EIF5B: variants seen among roughly 807,000 people sequenced by gnomAD.
EIF5B encodes eIF-5B.
In EIF5B, 47 loss-of-function variants were observed where a neutral mutation model predicts 147.5. The observed-to-expected ratio is 0.32, with a 90% CI of 0.25 to 0.41. The LOEUF (loss-of-function observed/expected upper bound fraction) is 0.41, where lower values mean the gene tolerates loss of function less well. EIF5B is among the 10% of genes least tolerant of loss of function. The pLI, the probability that EIF5B is intolerant of heterozygous loss-of-function variation, is 1.00. For missense variants in EIF5B, 1,064 were observed against 1,413.2 expected (o/e 0.75, Z 3.96); for synonymous variants, 455 against 456.2 (o/e 1.00, Z 0.03).
chr2:99,340,860 C>T (rs2094257865), intron 1 of EIF5B, among the ~76,000 whole-genome samples: 1 of 152,114 alleles, frequency 6.6e-6, no homozygotes, highest in South Asian at 2.1e-4. Flanking sequence ...ACCTCCGCCT[C>T]CTGGGCTCAA....
chr2:99,400,847 G>A lies in EIF5B; in HGVS notation c.*1433G>A, dbSNP rs1156655844. 1 of 155,020 alleles carries A rather than the reference G, an allele frequency of 6.5e-6. No homozygotes were observed. Among genetic ancestry groups the A allele is most frequent in the Non-Finnish European group, 1.4e-5 (1 of 69,780 alleles). The allele number at this position is 155,020 out of a possible 1,614,324, so 9.6% of individuals were successfully genotyped here. On this transcript the variant is annotated 3_prime_UTR_variant, in exon 24 of 24. Transcript: ENST00000289371. ...GACCTCTCAGGAATTTCAGAGCTTA[G>A]CAGTCTGGCCTGGAGGTTTTTCAGC...
At chr2:99,356,274 T>A (rs1354365510) in intron 1 of EIF5B, among the ~76,000 whole-genome samples, 1 of 152,224 alleles carries the variant, frequency 6.6e-6, no homozygotes, top group Non-Finnish European at 1.5e-5. Flanking sequence ...TTCTACATTA[T>A]AATGTTACTC....
At chr2:99,377,626 A>G (rs969970834) in intron 10 of EIF5B, among the ~76,000 whole-genome samples, 2 of 152,070 alleles carry the variant, frequency 1.3e-5, no homozygotes, top group East Asian at 1.9e-4. Flanking sequence ...CTGATTAACA[A>G]ACAAAATAAG....
Position 99,398,852 on chromosome 2 carries a change from T to G in EIF5B, c.3498T>G (p.Gly1166=), listed in dbSNP as rs1675128903. 6 of 1,614,094 alleles carry G rather than the reference T, an allele frequency of 3.7e-6. No individual in the cohort carries two copies. The highest frequency in any genetic ancestry group is 5.1e-6 in the Non-Finnish European group (6 of 1,180,018). ...EVCVKIEPIP[G]ESPKMFGRHF... ...GTGTAAAAATAGAACCTATCCCTGGTGAGTCACCCAAAATGTTTGGAAGAC... is the reference window on the plus strand; with the variant it reads ...GTGTAAAAATAGAACCTATCCCTGGGGAGTCACCCAAAATGTTTGGAAGAC... The change falls in exon 23 of 24, where the codon GGT becomes GGG. Residue 1166 remains glycine, a synonymous_variant. Transcript: ENST00000289371.
intron 6 of EIF5B, among the ~76,000 whole-genome samples, chr2:99,367,836 A>C (rs1185852873): frequency 6.6e-6 from 1 of 152,176 alleles, no homozygotes; most frequent in Non-Finnish European, 1.5e-5. Flanking sequence ...TATAAAAATT[A>C]AGGTCATATT....
chr2:99,362,590 T>C (rs981505010), intron 4 of EIF5B, among the ~76,000 whole-genome samples: 8 of 151,784 alleles, frequency 5.3e-5, no homozygotes, highest in African/African-American at 1.7e-4. Context: ...TCCCAGCTAC[T>C]CGGGAGGCTG....
At chr2:99,371,873 C>A in intron 9 of EIF5B, 143 bp downstream of exon 9, 1 of 672,852 alleles carries the variant, frequency 1.5e-6, no homozygotes. Flanking sequence ...TCTCCTTTGC[C>A]ATGGTTTCTA....
intron 15 of EIF5B, 48 bp from the exon 16 acceptor site, chr2:99,390,171 G>C: frequency 6.2e-7 from 1 of 1,607,540 alleles, no homozygotes; most frequent in South Asian, 1.1e-5. Context: ...ACCTATTCCA[G>C]ATACGTTTTC....
At chr2:99,347,854 G>A (rs1452041706) in intron 1 of EIF5B, among the ~76,000 whole-genome samples, 1 of 152,130 alleles carries the variant, frequency 6.6e-6, no homozygotes, top group Non-Finnish European at 1.5e-5. Context: ...ACCTTGGGTT[G>A]CTGTTCTATG....
chr2:99,371,556 AT>A, intron 8 of EIF5B, 99 bp from the exon 9 acceptor site: 1 of 908,144 alleles, frequency 1.1e-6, no homozygotes, highest in Non-Finnish European at 1.7e-6. Flanking sequence ...TAATTAAAAC[AT>A]TCTTTTTTTA....
chr2:99,390,614 A>G lies in EIF5B; in HGVS notation c.2657A>G (p.Asp886Gly), dbSNP rs1674905591. ...ATCAATGGGCGTTTGAAGGAAGGAG[A>G]TACAATCATTGTTCCTGGAGTAGAA... is the stretch of plus-strand genomic sequence containing the variant. ...ILINGRLKEG[D>G]TIIVPGVEGP... Residue 886 changes from aspartate to glycine, a missense_variant, in exon 17 of 24, where the codon GAT becomes GGT. Coordinates refer to ENST00000289371, the MANE Select transcript of EIF5B (RefSeq NM_015904.4). The G allele has an allele frequency of 1.2e-6, 2 of 1,612,904 alleles. No homozygotes were observed. Among genetic ancestry groups the G allele is most frequent in the Admixed American group, 1.7e-5 (1 of 59,964 alleles).
intron 14 of EIF5B, among the ~76,000 whole-genome samples, chr2:99,389,278 A>T (rs1290915324): frequency 6.6e-6 from 1 of 152,212 alleles, no homozygotes. Flanking sequence ...AAACAGATTT[A>T]ATCCTAATTT....
intron 22 of EIF5B, 161 bp downstream of exon 22, chr2:99,397,059 G>A: frequency 1.3e-6 from 1 of 745,970 alleles, no homozygotes; most frequent in Non-Finnish European, 1.9e-6. Context: ...TTTTACCTCA[G>A]TAGGAAGAAA....
intron 3 of EIF5B, 72 bp from the exon 4 acceptor site, chr2:99,361,076 A>T: frequency 1.6e-6 from 2 of 1,243,200 alleles, no homozygotes; most frequent in Non-Finnish European, 2.2e-6. Flanking sequence ...AAAAATGTTT[A>T]CTTAATGAAG....
intron 1 of EIF5B, chr2:99,338,167 C>T (rs1343270715): frequency 1.6e-5 from 6 of 368,922 alleles, no homozygotes; most frequent in Non-Finnish European, 2.8e-5. Flanking sequence ...TTCCTTCTTC[C>T]GGCCTGTTTT....
At chr2:99,376,821 C>T (rs1028532317) in intron 10 of EIF5B, among the ~76,000 whole-genome samples, 185 bp downstream of exon 10, 2 of 152,116 alleles carry the variant, frequency 1.3e-5, no homozygotes, top group Admixed American at 1.3e-4. Context: ...ACCCCCCGTC[C>T]CCGCTCTTAC....
At chr2:99,399,022 T>C (rs551301419) in intron 23 of EIF5B, 113 bp downstream of exon 23, 108 of 1,270,690 alleles carry the variant, frequency 8.5e-5, no homozygotes, top group Middle Eastern at 5.8e-4. Context: ...CTGATGGGAC[T>C]GGATCCCCCA....
intron 1 of EIF5B, among the ~76,000 whole-genome samples, chr2:99,347,447 G>A (rs1038656050): frequency 1.3e-5 from 2 of 151,960 alleles, no homozygotes; most frequent in African/African-American, 4.8e-5. Flanking sequence ...GATCTTGTTA[G>A]AATGGAGATT....
At chr2:99,397,042 T>C in intron 22 of EIF5B, 144 bp downstream of exon 22, 1 of 931,968 alleles carries the variant, frequency 1.1e-6, no homozygotes, top group South Asian at 2.9e-5. Flanking sequence ...AACAAATGTT[T>C]CAGTGTTTTT....
Sources: allele counts gnomAD v4.1 joint callset (sites outside exome capture counted in the v4.1 genomes callset), GRCh38; gene constraint gnomAD v4.1.1; transcripts MANE v1.5; gene names NCBI Gene and HGNC (gene_info 2026-07-23, HGNC 2026-07-21).